Variants in TUSC3 observed in about 807,000 individuals in gnomAD.
TUSC3 encodes the protein tumor suppressor candidate 3, also known as dolichyl-diphosphooligosaccharide--protein glycosyltransferase subunit TUSC3.
In TUSC3, 45 loss-of-function variants were observed where a neutral mutation model predicts 44.8. The observed-to-expected ratio is 1.00, with a 90% confidence interval of 0.79 to 1.29. The LOEUF (loss-of-function observed/expected upper bound fraction) is 1.29, where lower values mean the gene tolerates loss of function less well. Among genes scored for constraint, TUSC3 ranks in the 50% most tolerant of loss-of-function variants. TUSC3 has a pLI of 0.00. For synonymous variants in TUSC3, 212 were observed against 152.9 expected (o/e 1.39, Z -2.85); for missense variants, 519 against 437.9 (o/e 1.19, Z -1.65).
chr8:15,759,073 A>G (rs1476518762), intron 10 of TUSC3, among the ~76,000 whole-genome samples: 1 of 152,184 alleles, frequency 6.6e-6, no homozygotes, highest in Non-Finnish European at 1.5e-5. Flanking sequence ...CTCATAGAAC[A>G]CATGTGAATG....
At chr8:15,508,794 A>T (rs1229984530) in intron 2 of TUSC3, among the ~76,000 whole-genome samples, 2 of 152,170 alleles carry the variant, frequency 1.3e-5, no homozygotes, top group African/African-American at 4.8e-5. Flanking sequence ...TAGGAAAAAA[A>T]GTAGGCATTA....
At chr8:15,756,739 C>A (rs1206764442) in intron 9 of TUSC3, among the ~76,000 whole-genome samples, 1 of 152,112 alleles carries the variant, frequency 6.6e-6, no homozygotes, top group Non-Finnish European at 1.5e-5. Context: ...TGCCACAGCT[C>A]CAGAAGATGC....
Position 15,432,292 on chromosome 8 carries a change from C to T in TUSC3, n.91+14987C>T, listed in dbSNP as rs538097985. Among the ~76,000 whole-genome samples the T allele has an allele frequency of 5.3e-5, 8 of 152,230 alleles. 1 individual carries two copies. The East Asian group carries it at 1.5e-3, about 29-fold the overall frequency. ...TTTGATTACTGATTCAATCTCCTTA[C>T]TCCTTATTCATCTGTGTATATTTTC... On this transcript the variant is annotated intron_variant and non_coding_transcript_variant, in intron 1 of 5. Coordinates refer to the TUSC3 transcript ENST00000503191.
intron 1 of TUSC3, among the ~76,000 whole-genome samples, chr8:15,596,165 A>T: frequency 6.6e-6 from 1 of 152,326 alleles, no homozygotes; most frequent in Admixed American, 6.5e-5. Context: ...GCAAGTTCTA[A>T]TTGGGAACAT....
At chr8:15,487,228 T>G (rs1800744779) in intron 2 of TUSC3, among the ~76,000 whole-genome samples, 1 of 152,206 alleles carries the variant, frequency 6.6e-6, no homozygotes, top group Admixed American at 6.5e-5. Flanking sequence ...ACTTTGAATT[T>G]TTTCTCTACT....
At chr8:15,766,670 T>C (rs944450421), downstream of TUSC3, 1 of 152,146 alleles carries the variant, frequency 6.6e-6, no homozygotes, top group Non-Finnish European at 1.5e-5. Context: ...ACTGCAGTTT[T>C]CTTTTACACA....
At chr8:15,843,593 C>CATAAGT in the TUSC3 span, among the ~76,000 whole-genome samples, 74 of 91,106 alleles carry the variant, frequency 8.1e-4, no homozygotes, top group East Asian at 3.8e-3. Flanking sequence ...ACTTGATGTA[C>CATAAGT]ATATATATAT....
chr8:15,719,760 C>T (rs776898831), intron 6 of TUSC3, among the ~76,000 whole-genome samples: 1 of 151,996 alleles, frequency 6.6e-6, no homozygotes, highest in African/African-American at 2.4e-5. Flanking sequence ...TCCTTCCATC[C>T]CCATTTCACA....
intron 2 of TUSC3, among the ~76,000 whole-genome samples, chr8:15,530,979 T>C (rs1389917582): frequency 6.6e-6 from 1 of 152,118 alleles, no homozygotes; most frequent in African/African-American, 2.4e-5. Context: ...AGTATGACCT[T>C]CTGGGGGCAT....
chr8:15,611,529 A>T (rs1357362521), intron 1 of TUSC3, among the ~76,000 whole-genome samples: 1 of 152,122 alleles, frequency 6.6e-6, no homozygotes, highest in Non-Finnish European at 1.5e-5. Context: ...TTTCTGATGG[A>T]TTGCTGATTA....
chr8:15,505,003 C>T (rs75766461), intron 2 of TUSC3, among the ~76,000 whole-genome samples: 6,338 of 152,104 alleles, frequency 0.042, 192 homozygotes, highest in Middle Eastern at 0.13. Flanking sequence ...CTAAACAATA[C>T]TGTATCAACA....
intron 1 of TUSC3, among the ~76,000 whole-genome samples, chr8:15,591,723 A>T (rs993250224): frequency 6.6e-6 from 1 of 152,198 alleles, no homozygotes; most frequent in African/African-American, 2.4e-5. Context: ...AGTTCTGTGT[A>T]GGGGAGGAAT....
chr8:15,720,192 A>G (rs909035718), intron 6 of TUSC3, among the ~76,000 whole-genome samples: 7 of 123,254 alleles, frequency 5.7e-5, no homozygotes, highest in African/African-American at 2.1e-4. Flanking sequence ...AATATAGTGT[A>G]TATATATATA....
intron 1 of TUSC3, among the ~76,000 whole-genome samples, chr8:15,461,252 G>T (rs185135424): frequency 6.6e-6 from 1 of 151,968 alleles, no homozygotes; most frequent in East Asian, 1.9e-4. Context: ...CCTTGTTTAG[G>T]TATATTCCTA....
At chr8:15,611,307 C>T (rs1804750935) in intron 1 of TUSC3, among the ~76,000 whole-genome samples, 2 of 152,116 alleles carry the variant, frequency 1.3e-5, no homozygotes, top group Admixed American at 1.3e-4. Context: ...CTGCCTCAGC[C>T]TCCCAAGTAG....
In TUSC3 at chr8:15,731,639, C is replaced by CTG. The variant is rs551052031; in HGVS notation, c.862+914_862+915dup. Among the ~76,000 whole-genome samples, 5 of 152,204 alleles carry CTG rather than the reference C, an allele frequency of 3.3e-5. No homozygotes were observed. The East Asian group carries it at 9.7e-4, about 29-fold the overall frequency. On this transcript the variant is annotated intron_variant, in intron 7 of 10. Coordinates refer to ENST00000503731, the MANE Select transcript of TUSC3 (RefSeq NM_006765.4). ...TCAGTTGTCTTTTTCATGGTCTATCCTGTGTTCAAGTACTTCAGTTTTATG... is the reference window on the plus strand; with the variant it reads ...TCAGTTGTCTTTTTCATGGTCTATCCTGTGTGTTCAAGTACTTCAGTTTTATG...
At chr8:15,569,788 T>G (rs1363442545) in intron 1 of TUSC3, among the ~76,000 whole-genome samples, 1 of 152,114 alleles carries the variant, frequency 6.6e-6, no homozygotes. Context: ...TTTTCTTCCT[T>G]GTCTGTTTGT....
chr8:15,700,008 A>C (rs750572719), intron 6 of TUSC3, among the ~76,000 whole-genome samples: 17 of 152,230 alleles, frequency 1.1e-4, no homozygotes, highest in Middle Eastern at 3.4e-3. Context: ...TAATCTTTTT[A>C]TTATCTACAT....
At chr8:15,738,833 T>TTTTTCTTTCTTTTTTTTTC in intron 7 of TUSC3, among the ~76,000 whole-genome samples, 1 of 126,892 alleles carries the variant, frequency 7.9e-6, no homozygotes, top group Admixed American at 8.3e-5. Context: ...CTTGCTTTTT[T>TTTTTCTTTCTTTTTTTTTC]TTTTTTTTTT....
Sources: gnomAD v4.1 joint callset for allele counts (sites outside exome capture counted in the v4.1 genomes callset) on GRCh38, gnomAD v4.1.1 for gene constraint, MANE v1.5 for transcripts, NCBI Gene and HGNC (gene_info 2026-07-23, HGNC 2026-07-21) for gene names.